The following DYNC2H1 variants were observed in gnomAD, a reference collection of about 807,000 sequenced individuals.
DYNC2H1 encodes the protein dynein cytoplasmic 2 heavy chain 1.
A neutral mutation model predicts 570.0 loss-of-function variants in DYNC2H1; 410 were observed. The observed-to-expected ratio is 0.72, with a 90% confidence interval of 0.66 to 0.78. The LOEUF (loss-of-function observed/expected upper bound fraction) is 0.78. DYNC2H1 is among the 30% of genes least tolerant of loss of function. The probability of loss-of-function intolerance (pLI) is 0.00; values close to 1 mark genes in which losing one functional copy is unlikely to be tolerated. For missense variants in DYNC2H1, 4,865 were observed against 5,046.4 expected, an observed-to-expected ratio of 0.96 and a Z score of 1.09; for synonymous variants, 1,688 against 1,677.6, an observed-to-expected ratio of 1.01 and a Z score of -0.15.
At chr11:103,306,469 T>C (rs892413754) in intron 77 of DYNC2H1, among the ~76,000 whole-genome samples, 1 of 152,118 alleles carries the variant, frequency 6.6e-6, no homozygotes, top group African/African-American at 2.4e-5. Context: ...TTACTGTAAA[T>C]CCAACTATAT....
intron 83 of DYNC2H1, among the ~76,000 whole-genome samples, chr11:103,375,612 G>C (rs1941361263): frequency 6.6e-6 from 1 of 152,242 alleles, no homozygotes; most frequent in Non-Finnish European, 1.5e-5. Context: ...AGTCAAAGGA[G>C]ATTGTTTTGG....
intron 84 of DYNC2H1, among the ~76,000 whole-genome samples, chr11:103,416,036 A>G (rs965208882): frequency 5.9e-5 from 9 of 152,226 alleles, no homozygotes; most frequent in African/African-American, 2.2e-4. Context: ...CATTCTCAGC[A>G]AATGATCACA....
At chr11:103,237,252 C>G (rs1156888496) in intron 63 of DYNC2H1, among the ~76,000 whole-genome samples, 1 of 151,970 alleles carries the variant, frequency 6.6e-6, no homozygotes, top group Non-Finnish European at 1.5e-5. Flanking sequence ...CTTTTCCTCT[C>G]AGTAATCCTT....
chr11:103,420,799 C>T (rs1224398822), intron 84 of DYNC2H1, among the ~76,000 whole-genome samples: 1 of 152,188 alleles, frequency 6.6e-6, no homozygotes, highest in African/African-American at 2.4e-5. Context: ...ACCAGTGACA[C>T]TATGGAGAAA....
chr11:103,148,561 G>A lies in DYNC2H1; in HGVS notation c.2890G>A (p.Glu964Lys). The change falls in exon 20 of 89, where the codon GAA becomes AAA. Residue 964 changes from glutamate to lysine, a missense_variant. Physicochemically the swap from Glu to Lys is moderately conservative, Grantham distance 56. Around this residue, in one of 5 missense-constraint regions of DYNC2H1, gnomAD observed 1,936 missense variants for 1,962.1 expected, o/e 0.99. Coordinates refer to ENST00000375735, the MANE Select transcript of DYNC2H1 (RefSeq NM_001377.3). ...CTTAACAATTATGCCCCAGTCTGTGGAAGAAATTGGTGATGCAAATCTACA... is the reference window on the plus strand; with the variant it reads ...CTTAACAATTATGCCCCAGTCTGTGAAAGAAATTGGTGATGCAAATCTACA... ...EVLTIMPQSV[E>K]EIGDANLQYS... The A allele has an allele frequency of 1.3e-6, 2 of 1,569,450 alleles. No individual in the cohort carries two copies. The highest frequency in any genetic ancestry group is 1.7e-6 in the Non-Finnish European group (2 of 1,155,736).
At chr11:103,176,206 A>C in intron 36 of DYNC2H1, 29 bp from the exon 37 acceptor site, 2 of 1,442,834 alleles carry the variant, frequency 1.4e-6, no homozygotes, top group Non-Finnish European at 1.8e-6. Flanking sequence ...AGTAATAATA[A>C]ATAATTTTAA....
At chr11:103,372,428 T>A (rs987700210) in intron 83 of DYNC2H1, among the ~76,000 whole-genome samples, 28 of 152,140 alleles carry the variant, frequency 1.8e-4, no homozygotes, top group African/African-American at 6.8e-4. Context: ...TTGTTGATAG[T>A]TTTTTTGTCA....
At chr11:103,248,346 G>A (rs2135240111) in intron 65 of DYNC2H1, among the ~76,000 whole-genome samples, 1 of 152,066 alleles carries the variant, frequency 6.6e-6, no homozygotes, top group East Asian at 1.9e-4. Context: ...AGGTTCTCAT[G>A]GTACTTGAAT....
rs1862839319 is a variant in DYNC2H1, at chr11:103,204,340, A to C, written c.8312-482A>C. ...CAATACCTTAGCAAAATTTTAGCAA[A>C]CAGGAATGATGAAAGTATGGTAATG... On this transcript the variant is annotated intron_variant, in intron 51 of 88. Coordinates refer to ENST00000375735, the MANE Select transcript of DYNC2H1 (RefSeq NM_001377.3). The surrounding 1 kb of genome is among the most constrained non-coding windows in gnomAD (Gnocchi z 4.1). Among the ~76,000 whole-genome samples the C allele has an allele frequency of 6.6e-6, 1 of 152,148 alleles. No individual in the cohort carries two copies.
chr11:103,431,215 T>TAAAAA (rs10645288), intron 84 of DYNC2H1, among the ~76,000 whole-genome samples: 4 of 138,476 alleles, frequency 2.9e-5, no homozygotes, highest in African/African-American at 2.6e-5. Flanking sequence ...TCATTTAGTT[T>TAAAAA]AAAAAAAAAA....
At chr11:103,453,617 TA>T (rs1444493234) in intron 85 of DYNC2H1, among the ~76,000 whole-genome samples, 6 of 45,304 alleles carry the variant, frequency 1.3e-4, no homozygotes, top group Admixed American at 2.6e-4. Flanking sequence ...AGTTTAGACA[TA>T]TATATATATA....
intron 47 of DYNC2H1, among the ~76,000 whole-genome samples, chr11:103,196,887 G>A (rs1411460680): frequency 6.6e-6 from 1 of 152,098 alleles, no homozygotes; most frequent in East Asian, 1.9e-4. Context: ...TAAAAAATGT[G>A]ATGGTGAAAG....
At chr11:103,366,753 A>G (rs1375246639) in intron 83 of DYNC2H1, among the ~76,000 whole-genome samples, 1 of 152,102 alleles carries the variant, frequency 6.6e-6, no homozygotes, top group African/African-American at 2.4e-5. Context: ...CTTGTAAAGG[A>G]CTTAGAACTG....
intron 24 of DYNC2H1, 109 bp from the exon 25 acceptor site, chr11:103,155,222 A>C: frequency 9.9e-7 from 1 of 1,007,762 alleles, no homozygotes; most frequent in African/African-American, 1.7e-5. Context: ...AAAATGGAAT[A>C]ATTAAAATTT....
At position 103,449,524 on chromosome 11, in the gene DYNC2H1, A is replaced by AGAAT. The variant is rs1456185585; in HGVS notation, c.12457-5659_12457-5656dup. On this transcript the variant is annotated intron_variant, in intron 85 of 88. Coordinates refer to ENST00000375735, the MANE Select transcript of DYNC2H1 (RefSeq NM_001377.3). Reference sequence around the variant, plus strand: ...GTTTTCAAATTGATCCATTGTTTAAAGAATGAGGTCAAGAATTGTCTTACA... The same window carrying AGAAT: ...GTTTTCAAATTGATCCATTGTTTAAAGAATGAATGAGGTCAAGAATTGTCTTACA... Among the ~76,000 whole-genome samples, 3 of 152,228 alleles carry AGAAT rather than the reference A, an allele frequency of 2.0e-5. No individual in the cohort carries two copies. In the East Asian group the frequency reaches 5.8e-4, roughly 29 times the overall value.
intron 88 of DYNC2H1, among the ~76,000 whole-genome samples, chr11:103,469,486 T>C (rs771366687): frequency 5.9e-5 from 9 of 152,198 alleles, no homozygotes; most frequent in Non-Finnish European, 1.3e-4. Context: ...AAAATGAGCT[T>C]TCTCATTGGG....
chr11:103,121,362 A>C lies in DYNC2H1; in HGVS notation c.1361-10A>C, dbSNP rs1858698354. ...TCTTTGTAATCATTTATTTGATTTA[A>C]ATTTTATAGATTTTCGATTAGACTT... On this transcript the variant is annotated splice_polypyrimidine_tract_variant and intron_variant, in intron 9 of 88. Transcript: ENST00000375735. The C allele has an allele frequency of 2.5e-6, 4 of 1,585,268 alleles. No individual in the cohort carries two copies. The highest frequency in any genetic ancestry group is 3.4e-6 in the Non-Finnish European group (4 of 1,166,550).
At position 103,143,404 on chromosome 11, in the gene DYNC2H1, G is replaced by C. The variant is rs373942624; in HGVS notation, c.2702+9G>C. ...GTAGAACGACTTCCAAGGTATTGGA[G>C]GTTAATGTAGTACTTACGTACCATA... On this transcript the variant is annotated intron_variant, in intron 18 of 88. Transcript: ENST00000375735. The C allele has an allele frequency of 1.3e-4, 207 of 1,604,806 alleles. 3 individuals are homozygous for C. The South Asian group carries it at 1.5e-3, about 11-fold the overall frequency.
chr11:103,137,708 G>A (rs1300149702), intron 17 of DYNC2H1, among the ~76,000 whole-genome samples: 6 of 152,134 alleles, frequency 3.9e-5, no homozygotes, highest in Admixed American at 6.5e-5. Context: ...TTGGCAATGT[G>A]GGCTCTTTTT....
Sources: gnomAD v4.1 joint callset for allele counts (sites outside exome capture counted in the v4.1 genomes callset) on GRCh38, gnomAD v4.1.1 for gene constraint, gnomAD v4.1.1 regional missense constraint, Gnocchi (gnomAD v3.1) non-coding constraint, MANE v1.5 for transcripts, NCBI Gene and HGNC (gene_info 2026-07-23, HGNC 2026-07-21) for gene names.